The following NMT1 variants were observed in gnomAD, a reference collection of about 807,000 sequenced individuals.
The protein encoded by NMT1 is glycylpeptide N-tetradecanoyltransferase 1.
In NMT1, 12 loss-of-function variants were observed where a neutral mutation model predicts 63.4. The ratio of observed to expected loss-of-function variants is 0.19; its 90% CI spans 0.12 to 0.31. The LOEUF (loss-of-function observed/expected upper bound fraction) is 0.31. NMT1 is among the 10% of genes least tolerant of loss of function. The pLI, the probability that NMT1 is intolerant of heterozygous loss-of-function variation, is 1.00. For synonymous variants in NMT1, 228 were observed against 234.3 expected, an observed-to-expected ratio of 0.97 and a Z score of 0.25; for missense variants, 432 against 634.6, an observed-to-expected ratio of 0.68 and a Z score of 3.43.
intron 1 of NMT1, among the ~76,000 whole-genome samples, chr17:45,081,030 A>T (rs2054014140): frequency 6.6e-6 from 1 of 152,196 alleles, no homozygotes; most frequent in South Asian, 2.1e-4. Flanking sequence ...GGCCTCCCAA[A>T]GTGTTGGGAT....
chr17:45,099,131 A>G (rs1178256057), intron 7 of NMT1, among the ~76,000 whole-genome samples: 1 of 152,186 alleles, frequency 6.6e-6, no homozygotes, highest in Non-Finnish European at 1.5e-5. Context: ...ACTTGATTCT[A>G]GGAGTGAGGA....
At chr17:45,080,577 T>G (rs1598008740) in intron 1 of NMT1, among the ~76,000 whole-genome samples, 1 of 148,192 alleles carries the variant, frequency 6.7e-6, no homozygotes, top group Non-Finnish European at 1.5e-5. Context: ...CACACCATTC[T>G]CCTGCCTCAG....
At chr17:45,068,080 G>A (rs144191455) in intron 1 of NMT1, among the ~76,000 whole-genome samples, 2 of 152,048 alleles carry the variant, frequency 1.3e-5, no homozygotes, top group Non-Finnish European at 2.9e-5. Context: ...TACCCTTCAG[G>A]CCTCTCTTCC....
intron 6 of NMT1, among the ~76,000 whole-genome samples, chr17:45,097,546 A>G (rs2054133681): frequency 6.6e-6 from 1 of 152,002 alleles, no homozygotes; most frequent in African/African-American, 2.4e-5. Flanking sequence ...TATAGAGGCA[A>G]GGTCTTGCTA....
chr17:45,093,932 G>A (rs1042583212), intron 4 of NMT1, 129 bp downstream of exon 4: 15 of 673,348 alleles, frequency 2.2e-5, no homozygotes, highest in African/African-American at 5.5e-5. Flanking sequence ...ACAGACTCCC[G>A]TCTGTAACTT....
intron 1 of NMT1, among the ~76,000 whole-genome samples, chr17:45,078,606 T>C (rs1020937334): frequency 6.6e-5 from 10 of 152,186 alleles, no homozygotes; most frequent in African/African-American, 2.2e-4. Flanking sequence ...ATAATGTTAA[T>C]GGAAAATTGT....
chr17:45,075,470 G>C (rs1221499603), intron 1 of NMT1, among the ~76,000 whole-genome samples: 1 of 149,746 alleles, frequency 6.7e-6, no homozygotes, highest in Non-Finnish European at 1.5e-5. Flanking sequence ...GGGCAACAGA[G>C]CGAGACTCTT....
In NMT1 at chr17:45,103,195, A is replaced by C; in HGVS notation, c.1164+74A>C. The C allele has an allele frequency of 1.4e-6, 2 of 1,455,098 alleles. No homozygotes were observed. The highest frequency in any genetic ancestry group is 1.8e-5 in the Admixed American group (1 of 55,902). The allele number at this position is 1,455,098 out of a possible 1,614,324, so 90.1% of individuals were successfully genotyped here. Reference sequence around the variant, plus strand: ...CACCCCCCTGAGTGGCCGGGTTCCCAGGGCTCGAGTGTTGGCACCTTAGAC... The same window carrying C: ...CACCCCCCTGAGTGGCCGGGTTCCCCGGGCTCGAGTGTTGGCACCTTAGAC... On this transcript the variant is annotated intron_variant, in intron 9 of 11. Transcript: ENST00000258960. The surrounding 1 kb of genome is among the most constrained non-coding windows in gnomAD (Gnocchi z 4.8).
Position 45,096,056 on chromosome 17 carries a change from G to A in NMT1, c.505-138G>A, listed in dbSNP as rs567597426. On this transcript the variant is annotated intron_variant, in intron 4 of 11. Coordinates refer to ENST00000258960, the MANE Select transcript of NMT1 (RefSeq NM_021079.5). ...CTCCAAGAGTTCCTACCATGCCAGG[G>A]GGCAGAAGGATTTGTGAGACTCCAC... The A allele has an allele frequency of 2.4e-4, 162 of 663,908 alleles. No individual in the cohort carries two copies. In the African/African-American group the frequency reaches 2.7e-3, roughly 11 times the overall value. The allele number at this position is 663,908 out of a possible 1,614,324, so 41.1% of individuals were successfully genotyped here.
intron 1 of NMT1, among the ~76,000 whole-genome samples, chr17:45,078,968 A>G (rs1156949946): frequency 6.6e-6 from 1 of 151,906 alleles, no homozygotes; most frequent in East Asian, 1.9e-4. Context: ...GGACCTTTCA[A>G]TTATTTGAAA....
rs2054199114 is a variant in NMT1, at chr17:45,105,762, C to T, written c.*123C>T. ...CCTGGCAAAGGGAGCAGAACTGAAC[C>T]GGCTTTACCAAACCGCCAGCGAACT... On this transcript the variant is annotated 3_prime_UTR_variant, in exon 12 of 12. Transcript: ENST00000258960. The surrounding 1 kb of genome is among the most constrained non-coding windows in gnomAD (Gnocchi z 4.2). 25 of 979,262 alleles carry T rather than the reference C, an allele frequency of 2.6e-5. No homozygotes were observed. The South Asian group carries it at 2.6e-4, about 10-fold the overall frequency. 60.7% of individuals were successfully genotyped at this position (979,262 alleles called of 1,614,324 possible).
chr17:45,077,758 A>G (rs1385852585), intron 1 of NMT1, among the ~76,000 whole-genome samples: 1 of 152,236 alleles, frequency 6.6e-6, no homozygotes, highest in Non-Finnish European at 1.5e-5. Flanking sequence ...TATCTGGAGT[A>G]GGAAAACCAC....
chr17:45,096,076 C>T, intron 4 of NMT1, 118 bp from the exon 5 acceptor site: 1 of 733,182 alleles, frequency 1.4e-6, no homozygotes, highest in Non-Finnish European at 2.4e-6. Context: ...ATTTGTGAGA[C>T]TCCACGTCGT....
intron 6 of NMT1, among the ~76,000 whole-genome samples, chr17:45,097,899 G>T (rs908560337): frequency 6.6e-6 from 1 of 152,192 alleles, no homozygotes; most frequent in Non-Finnish European, 1.5e-5. Context: ...GTGTGACCCA[G>T]ATTCAGATAG....
intron 1 of NMT1, among the ~76,000 whole-genome samples, chr17:45,063,098 G>A (rs996785143): frequency 1.3e-5 from 2 of 151,302 alleles, no homozygotes; most frequent in African/African-American, 2.4e-5. Context: ...CCAACTACTC[G>A]GGAGGCTAAG....
chr17:45,087,303 T>C (rs908177391), intron 3 of NMT1, among the ~76,000 whole-genome samples: 3 of 152,224 alleles, frequency 2.0e-5, no homozygotes, highest in African/African-American at 7.2e-5. Context: ...CACATGTTTA[T>C]TCCTGGAATG....
intron 1 of NMT1, among the ~76,000 whole-genome samples, chr17:45,078,547 A>G (rs2053991870): frequency 1.3e-5 from 2 of 152,112 alleles, no homozygotes; most frequent in South Asian, 4.2e-4. Context: ...AATAACTCCG[A>G]GGCATTTTGA....
chr17:45,065,387 GC>G (rs1466804867), intron 1 of NMT1, among the ~76,000 whole-genome samples: 14 of 152,068 alleles, frequency 9.2e-5, no homozygotes, highest in African/African-American at 1.7e-4. Flanking sequence ...ACTTTGGGAG[GC>G]TAAGGCGGGC....
At chr17:45,083,227 G>A (rs1203837541) in intron 2 of NMT1, among the ~76,000 whole-genome samples, 1 of 151,390 alleles carries the variant, frequency 6.6e-6, no homozygotes, top group African/African-American at 2.4e-5. Context: ...GCTGAGACAG[G>A]AGAATCACTT....
Sources: gnomAD v4.1 joint callset for allele counts (sites outside exome capture counted in the v4.1 genomes callset) on GRCh38, gnomAD v4.1.1 for gene constraint, Gnocchi (gnomAD v3.1) non-coding constraint, MANE v1.5 for transcripts, NCBI Gene and HGNC (gene_info 2026-07-23, HGNC 2026-07-21) for gene names.